LARGE1: variants seen among roughly 807,000 people sequenced by gnomAD.
LARGE1 encodes the protein LARGE xylosyl- and glucuronyltransferase 1.
LARGE1 carries 43 observed loss-of-function variants against 87.6 expected under a neutral mutation model. That is an observed-to-expected ratio of 0.49 (90% CI 0.38 to 0.63). The LOEUF is 0.63. LARGE1 is among the 30% of genes least tolerant of loss of function. LARGE1 has a pLI of 0.00. For synonymous variants in LARGE1, 434 were observed against 394.6 expected (o/e 1.10, Z -1.18); for missense variants, 802 against 1,000.2 (o/e 0.80, Z 2.67).
downstream of LARGE1, among the ~76,000 whole-genome samples, chr22:33,159,998 A>T (rs575457926): frequency 6.6e-6 from 1 of 152,038 alleles, no homozygotes; most frequent in African/African-American, 2.4e-5. Context: ...TAGCATTTGC[A>T]TAAAAGAAAG....
chr22:33,162,613 G>C (rs1922070472), exon 12 of LARGE1: 1 of 152,176 alleles, frequency 6.6e-6, no homozygotes, highest in Admixed American at 6.5e-5. Context: ...TGCTGGCAAG[G>C]AAGTTACTGA....
intron 9 of LARGE1, among the ~76,000 whole-genome samples, chr22:33,374,246 G>T (rs1189970752): frequency 2.0e-5 from 3 of 152,192 alleles, no homozygotes; most frequent in African/African-American, 7.2e-5. Flanking sequence ...CTTTTCATCA[G>T]GTCGACTACC....
At chr22:33,370,884 GAAT>G (rs1182890101) in intron 9 of LARGE1, among the ~76,000 whole-genome samples, 1 of 148,554 alleles carries the variant, frequency 6.7e-6, no homozygotes, top group Non-Finnish European at 1.5e-5. Flanking sequence ...AATAATTATT[GAAT>G]ATTAATGGAT....
chr22:33,856,130 G>A (rs2063748090), intron 1 of LARGE1, among the ~76,000 whole-genome samples: 1 of 152,168 alleles, frequency 6.6e-6, no homozygotes, highest in African/African-American at 2.4e-5. Flanking sequence ...CAGCAGAAGA[G>A]AGCTGTCCAA....
chr22:33,329,810 T>C (rs1937525376), intron 10 of LARGE1, among the ~76,000 whole-genome samples: 1 of 152,166 alleles, frequency 6.6e-6, no homozygotes, highest in Non-Finnish European at 1.5e-5. Flanking sequence ...ATGAGGTTCC[T>C]TTAGTTGGAA....
chr22:33,173,813 C>T (rs979748267), intron 11 of LARGE1, among the ~76,000 whole-genome samples: 2 of 152,078 alleles, frequency 1.3e-5, no homozygotes, highest in African/African-American at 4.8e-5. Context: ...TATATGCACC[C>T]AATACAAGAG....
intron 7 of LARGE1, among the ~76,000 whole-genome samples, chr22:33,410,009 G>C (rs2066251288): frequency 6.6e-6 from 1 of 152,046 alleles, no homozygotes; most frequent in South Asian, 2.1e-4. Context: ...CATTACAAAT[G>C]GTGTCTTTAT....
chr22:33,088,093 A>C, the LARGE1 span, among the ~76,000 whole-genome samples: 1 of 152,102 alleles, frequency 6.6e-6, no homozygotes, highest in Non-Finnish European at 1.5e-5. Context: ...CACATCATTG[A>C]TATATACCCC....
At chr22:33,501,252 G>A (rs1245082091) in intron 6 of LARGE1, among the ~76,000 whole-genome samples, 1 of 152,178 alleles carries the variant, frequency 6.6e-6, no homozygotes, top group Non-Finnish European at 1.5e-5. Flanking sequence ...AGTTTATTAT[G>A]TATACTTCAA....
intron 2 of LARGE1, among the ~76,000 whole-genome samples, chr22:33,681,396 C>G (rs1398631560): frequency 6.6e-6 from 1 of 152,180 alleles, no homozygotes; most frequent in East Asian, 1.9e-4. Context: ...CGTCCCAGGT[C>G]TGGTATTTAT....
chr22:33,822,929 C>T (rs2062681724), intron 1 of LARGE1, among the ~76,000 whole-genome samples: 1 of 152,142 alleles, frequency 6.6e-6, no homozygotes, highest in African/African-American at 2.4e-5. Flanking sequence ...CCAATTTCCT[C>T]TGGCCACAGT....
At chr22:33,753,734 A>C (rs572701898) in intron 2 of LARGE1, among the ~76,000 whole-genome samples, 1 of 152,152 alleles carries the variant, frequency 6.6e-6, no homozygotes, top group Non-Finnish European at 1.5e-5. Flanking sequence ...GATAGCCAAT[A>C]TTATTTTAAG....
chr22:33,697,129 C>T (rs530879912), intron 2 of LARGE1, among the ~76,000 whole-genome samples: 7 of 152,130 alleles, frequency 4.6e-5, no homozygotes, highest in Non-Finnish European at 1.0e-4. Flanking sequence ...GCCCTTGGGC[C>T]TGCTTCTGCT....
intron 2 of LARGE1, among the ~76,000 whole-genome samples, chr22:33,727,996 C>A (rs1341190226): frequency 6.6e-6 from 1 of 152,134 alleles, no homozygotes; most frequent in Non-Finnish European, 1.5e-5. Flanking sequence ...TCTGCACTCA[C>A]AAGCCCTGAT....
In LARGE1 at chr22:33,682,681, T is replaced by G. The variant is rs2081813247; in HGVS notation, c.107-32013A>C. 3.3e-5 allele frequency among the ~76,000 whole-genome samples: 5 copies of G among 152,356 alleles called. No individual in the cohort carries two copies. In the South Asian group the frequency reaches 1.0e-3, roughly 32 times the overall value. On this transcript the variant is annotated intron_variant, in intron 2 of 14. Coordinates refer to ENST00000397394, the MANE Select transcript of LARGE1 (RefSeq NM_133642.5). ...CTCTGAAATCAGGAACCATGAATCT[T>G]TGAATTACTGATTCTCTAGTAACAC...
intron 2 of LARGE1, among the ~76,000 whole-genome samples, chr22:33,738,071 C>T (rs986258191): frequency 2.9e-4 from 44 of 152,098 alleles, no homozygotes; most frequent in African/African-American, 1.0e-3. Flanking sequence ...GTGGAGATGA[C>T]GTTGTTTTAT....
intron 1 of LARGE1, among the ~76,000 whole-genome samples, chr22:33,837,703 G>A (rs1182508143): frequency 1.3e-5 from 2 of 152,242 alleles, no homozygotes; most frequent in African/African-American, 4.8e-5. Context: ...AACAGCTGCA[G>A]GTAGGGCTGA....
chr22:33,316,197 G>A lies in LARGE1; in HGVS notation c.1339C>T (p.Arg447Trp), dbSNP rs1460224950. The change falls in exon 11 of 15, where the codon CGG (arginine) becomes TGG (tryptophan). Residue 447 changes from arginine to tryptophan, a missense_variant. Physicochemically the swap from Arg to Trp is moderately radical, Grantham distance 101. This residue lies in a region of LARGE1 where 625 missense variants were observed against 841.9 expected (regional missense o/e 0.74). Coordinates refer to ENST00000397394, the MANE Select transcript of LARGE1 (RefSeq NM_133642.5). ...LDEDDLCYEF[R>W]RERFTVHRTH... The stretch of plus-strand genomic sequence containing the variant: ...CGGTGGACAGTGAAGCGCTCTCGCC[G>A]GAACTCATAGCACAGGTCGTCCTCG... The A allele has an allele frequency of 4.3e-6, 7 of 1,613,918 alleles. No individual in the cohort carries two copies. Among genetic ancestry groups the A allele is most frequent in the African/African-American group, 1.3e-5 (1 of 74,892 alleles).
At chr22:33,640,692 T>C (rs1159147617) in intron 3 of LARGE1, among the ~76,000 whole-genome samples, 1 of 152,148 alleles carries the variant, frequency 6.6e-6, no homozygotes, top group Non-Finnish European at 1.5e-5. Context: ...TGGCTTGAAA[T>C]TCTCCCCACC....
Sources: gnomAD v4.1 joint callset for allele counts (sites outside exome capture counted in the v4.1 genomes callset) on GRCh38, gnomAD v4.1.1 for gene constraint, gnomAD v4.1.1 regional missense constraint, MANE v1.5 for transcripts, NCBI Gene and HGNC (gene_info 2026-07-23, HGNC 2026-07-21) for gene names.